DOK6: variants seen among roughly 807,000 people sequenced by gnomAD.
The protein encoded by DOK6 is docking protein 6.
DOK6 carries 22 observed loss-of-function variants against 44.0 expected under a neutral mutation model. That is an observed-to-expected ratio of 0.50 (90% CI 0.36 to 0.71). The LOEUF is 0.71. Among genes scored for constraint, DOK6 ranks in the 30% least tolerant of loss-of-function variants. DOK6 has a pLI of 0.00. For synonymous variants in DOK6, 166 were observed against 145.5 expected (o/e 1.14, Z -1.01); for missense variants, 340 against 416.4 (o/e 0.82, Z 1.60).
At chr18:69,737,308 A>C (rs534529423) in intron 5 of DOK6, among the ~76,000 whole-genome samples, 3 of 152,336 alleles carry the variant, frequency 2.0e-5, no homozygotes, top group Non-Finnish European at 4.4e-5. Context: ...CCTTCTTCAC[A>C]TGGTGGCAGG....
intron 1 of DOK6, among the ~76,000 whole-genome samples, chr18:69,474,030 A>G (rs1980191607): frequency 6.6e-6 from 1 of 152,232 alleles, no homozygotes; most frequent in South Asian, 2.1e-4. Context: ...CTTCTGTTGA[A>G]GCCAAAAATC....
At chr18:69,536,979 C>CATTATTATTAAT (rs1555711151) in intron 1 of DOK6, among the ~76,000 whole-genome samples, 1 of 144,860 alleles carries the variant, frequency 6.9e-6, no homozygotes, top group African/African-American at 2.5e-5. Flanking sequence ...GAAGATTTAT[C>CATTATTATTAAT]ATTATTATTA....
chr18:69,460,722 C>G (rs1049187928), intron 1 of DOK6, among the ~76,000 whole-genome samples: 1 of 152,136 alleles, frequency 6.6e-6, no homozygotes, highest in Non-Finnish European at 1.5e-5. Context: ...ACTGAATATA[C>G]TACTTTTCTA....
chr18:69,498,904 T>G (rs1484117885), intron 1 of DOK6, among the ~76,000 whole-genome samples: 2 of 152,144 alleles, frequency 1.3e-5, no homozygotes. Flanking sequence ...TTACATTGAT[T>G]TTACAAATAA....
rs771592274 is a variant in DOK6 at position 69,731,952 on chromosome 18, T to C, written c.600-7013T>C. Among the ~76,000 whole-genome samples, 127 of 152,198 alleles carry C rather than the reference T, an allele frequency of 8.3e-4. 1 individual carries two copies. The highest frequency in any genetic ancestry group is 2.8e-3 in the Admixed American group (43 of 15,276). Reference sequence around the variant, plus strand: ...ACACACAGATGCCCTCAAACAAGTTTAAAGTAGAACAAGTCTTCCACCCAG... The same window carrying C: ...ACACACAGATGCCCTCAAACAAGTTCAAAGTAGAACAAGTCTTCCACCCAG... On this transcript the variant is annotated intron_variant, in intron 5 of 7. Coordinates refer to ENST00000382713, the MANE Select transcript of DOK6 (RefSeq NM_152721.6).
At chr18:69,581,251 G>A (rs1983362583) in intron 2 of DOK6, among the ~76,000 whole-genome samples, 1 of 152,000 alleles carries the variant, frequency 6.6e-6, no homozygotes. Context: ...TCCTTGCAGG[G>A]CCCAGTGGTT....
At chr18:69,586,323 G>A (rs74919129) in intron 2 of DOK6, among the ~76,000 whole-genome samples, 3,860 of 152,194 alleles carry the variant, frequency 0.025, 54 homozygotes, top group South Asian at 0.057. Context: ...AGGGTGACCC[G>A]GAGACTCCTC....
chr18:69,443,848 T>G (rs1979203612), intron 1 of DOK6, among the ~76,000 whole-genome samples: 2 of 152,112 alleles, frequency 1.3e-5, no homozygotes, highest in African/African-American at 4.8e-5. Context: ...CCTCCTGTAG[T>G]CATCATAGTC....
intron 1 of DOK6, 107 bp from the exon 2 acceptor site, chr18:69,564,379 AC>A (rs1982918956): frequency 5.1e-6 from 4 of 780,722 alleles, no homozygotes; most frequent in Non-Finnish European, 2.1e-6. Flanking sequence ...TCAATCAAAA[AC>A]AGTTCCTCTC....
intron 1 of DOK6, among the ~76,000 whole-genome samples, chr18:69,449,678 G>C (rs1005092777): frequency 5.9e-5 from 9 of 152,116 alleles, no homozygotes; most frequent in Non-Finnish European, 1.3e-4. Flanking sequence ...GCTTTGAAGA[G>C]AGCAGTGGTT....
intron 3 of DOK6, among the ~76,000 whole-genome samples, chr18:69,651,187 T>C (rs545165333): frequency 2.7e-5 from 4 of 150,268 alleles, no homozygotes; most frequent in African/African-American, 9.6e-5. Flanking sequence ...CCTCCTGTAA[T>C]AACAGGGGAA....
chr18:69,413,337 G>T (rs1978314018), intron 1 of DOK6, among the ~76,000 whole-genome samples: 2 of 152,040 alleles, frequency 1.3e-5, no homozygotes, highest in African/African-American at 2.4e-5. Flanking sequence ...TTTACTCCTA[G>T]CTTGGACATT....
At chr18:69,568,048 G>A (rs1983027763) in intron 2 of DOK6, among the ~76,000 whole-genome samples, 1 of 152,184 alleles carries the variant, frequency 6.6e-6, no homozygotes, top group South Asian at 2.1e-4. Flanking sequence ...CCTGCCTTCA[G>A]GCAACCGGCT....
intron 4 of DOK6, among the ~76,000 whole-genome samples, chr18:69,679,985 AG>A (rs1426065595): frequency 6.6e-6 from 1 of 152,120 alleles, no homozygotes; most frequent in Non-Finnish European, 1.5e-5. Context: ...GTCAAAATAA[AG>A]AAAGAAAAAA....
intron 3 of DOK6, among the ~76,000 whole-genome samples, chr18:69,602,489 T>G (rs1983895631): frequency 1.3e-5 from 2 of 152,154 alleles, no homozygotes; most frequent in Non-Finnish European, 2.9e-5. Context: ...GATGAATAAA[T>G]GTAATGTGGT....
intron 1 of DOK6, among the ~76,000 whole-genome samples, chr18:69,542,782 C>T (rs1219889608): frequency 6.6e-6 from 1 of 151,442 alleles, no homozygotes; most frequent in Non-Finnish European, 1.5e-5. Context: ...GCTTTCGAGC[C>T]TCTGAAGCTT....
At chr18:69,565,791 A>G (rs963696994) in intron 2 of DOK6, among the ~76,000 whole-genome samples, 1 of 152,196 alleles carries the variant, frequency 6.6e-6, no homozygotes, top group Non-Finnish European at 1.5e-5. Flanking sequence ...AAATTGTTAT[A>G]TATCTCTAAA....
At chr18:69,496,836 G>T (rs922208311) in intron 1 of DOK6, among the ~76,000 whole-genome samples, 2 of 152,054 alleles carry the variant, frequency 1.3e-5, no homozygotes, top group Non-Finnish European at 2.9e-5. Context: ...TAATTTTCAG[G>T]CTTCCAGAAC....
At chr18:69,756,587 A>G in intron 6 of DOK6, among the ~76,000 whole-genome samples, 1 of 152,248 alleles carries the variant, frequency 6.6e-6, no homozygotes, top group Non-Finnish European at 1.5e-5. Context: ...ATTAAAATGT[A>G]AGAACCTCTT....
Sources: gnomAD v4.1 joint callset for allele counts (sites outside exome capture counted in the v4.1 genomes callset) on GRCh38, gnomAD v4.1.1 for gene constraint, MANE v1.5 for transcripts, NCBI Gene and HGNC (gene_info 2026-07-23, HGNC 2026-07-21) for gene names.